Variants in AXDND1 observed in about 807,000 individuals in gnomAD.
AXDND1 encodes axonemal dynein light chain domain containing 1, also known as axonemal dynein light chain domain-containing protein 1.
A neutral mutation model predicts 137.5 loss-of-function variants in AXDND1; 110 were observed. The ratio of observed to expected loss-of-function variants is 0.80; its 90% CI spans 0.69 to 0.94. AXDND1 has a LOEUF of 0.94. Ranked by LOEUF, AXDND1 falls within the 40% of genes least tolerant of loss-of-function variation. AXDND1 has a pLI of 0.00. For missense variants in AXDND1, 1,191 were observed against 1,169.8 expected, an observed-to-expected ratio of 1.02 and a Z score of -0.26; for synonymous variants, 414 against 399.7, an observed-to-expected ratio of 1.04 and a Z score of -0.43.
intron 20 of AXDND1, among the ~76,000 whole-genome samples, chr1:179,500,260 T>C (rs1250121383): frequency 6.6e-6 from 1 of 151,202 alleles, no homozygotes; most frequent in Admixed American, 6.6e-5. Flanking sequence ...ATAGGTACAC[T>C]GGATACAACC....
intron 21 of AXDND1, 128 bp downstream of exon 21, chr1:179,509,531 G>A: frequency 1.6e-6 from 1 of 618,608 alleles, no homozygotes; most frequent in Non-Finnish European, 2.7e-6. Flanking sequence ...GAGAATTTTG[G>A]TTCTGATCAA....
chr1:179,443,548 G>A (rs1659306957), intron 15 of AXDND1, among the ~76,000 whole-genome samples: 1 of 152,002 alleles, frequency 6.6e-6, no homozygotes, highest in South Asian at 2.1e-4. Flanking sequence ...CCATTAAACT[G>A]TAAGTCCCTA....
At chr1:179,384,816 A>C (rs529788973) in intron 8 of AXDND1, among the ~76,000 whole-genome samples, 2 of 150,008 alleles carry the variant, frequency 1.3e-5, no homozygotes, top group South Asian at 2.1e-4. Flanking sequence ...CCCAGGCTGG[A>C]GTACACTGTG....
At chr1:179,551,140 GC>G in intron 25 of AXDND1, 1 of 1,612,808 alleles carries the variant, frequency 6.2e-7, no homozygotes, top group Non-Finnish European at 8.5e-7. Context: ...TCTATGGCAG[GC>G]CCCTTTACAG....
rs1649035541 is a variant in AXDND1, at chr1:179,385,374, T to C, written c.863+15T>C. On this transcript the variant is annotated intron_variant, in intron 9 of 25. Transcript: ENST00000367618. ...TCTAAAGTCAGGTTAGTGCTGTTAT[T>C]GGAATGGTCCAGTTTCCTTTTGATT... The C allele has an allele frequency of 6.8e-6, 11 of 1,613,826 alleles. No individual in the cohort carries two copies. The highest frequency in any genetic ancestry group is 9.3e-6 in the Non-Finnish European group (11 of 1,179,918).
At chr1:179,380,440 T>C (rs1347619993) in intron 6 of AXDND1, among the ~76,000 whole-genome samples, 7 of 152,210 alleles carry the variant, frequency 4.6e-5, no homozygotes, top group Non-Finnish European at 7.3e-5. Flanking sequence ...TTTTGAGCAA[T>C]GATTATGGAG....
At chr1:179,374,657 G>A (rs1668396760) in intron 4 of AXDND1, among the ~76,000 whole-genome samples, 1 of 152,124 alleles carries the variant, frequency 6.6e-6, no homozygotes, top group South Asian at 2.1e-4. Flanking sequence ...AAAAAAGGAT[G>A]AGTTCATGTC....
rs149782250 is a variant in AXDND1 at position 179,385,307 on chromosome 1, C to T, written c.811C>T (p.Arg271Ter). The change falls in exon 9 of 26, where the codon CGA becomes TGA. Residue 271 changes from arginine (R) to a stop codon, truncating the protein, a stop_gained. Transcript: ENST00000367618. LOFTEE classifies it high-confidence loss of function. ...IYNMIFHELI[R>*]QVSVDCADRG... ...CAACATGATATTTCATGAACTTATT[C>T]GACAAGTCAGTGTGGACTGTGCAGA... is the stretch of plus-strand genomic sequence containing the variant. 1.7e-5 allele frequency: 27 copies of T among 1,613,658 alleles called. No homozygotes were observed. Among genetic ancestry groups the T allele is most frequent in the Middle Eastern group, 1.7e-4 (1 of 6,058 alleles).
chr1:179,505,187 G>C (rs933015870), intron 20 of AXDND1, among the ~76,000 whole-genome samples: 1 of 152,242 alleles, frequency 6.6e-6, no homozygotes. Context: ...TGGTTTTCCA[G>C]AGAAGCCTTG....
At chr1:179,410,738 G>T (rs1167321434) in intron 11 of AXDND1, among the ~76,000 whole-genome samples, 1 of 152,124 alleles carries the variant, frequency 6.6e-6, no homozygotes, top group Non-Finnish European at 1.5e-5. Context: ...CTTTCATAAA[G>T]AATCTTAGGT....
chr1:179,538,087 T>C (rs191597667), intron 25 of AXDND1, among the ~76,000 whole-genome samples: 2 of 152,290 alleles, frequency 1.3e-5, no homozygotes, highest in Admixed American at 1.3e-4. Context: ...CTCTCTTTTC[T>C]TCTTTATTAG....
intron 6 of AXDND1, 102 bp from the exon 7 acceptor site, chr1:179,382,598 A>G: frequency 1.3e-6 from 1 of 751,880 alleles, no homozygotes; most frequent in Non-Finnish European, 2.3e-6. Flanking sequence ...TTTAGTGGAG[A>G]ATGGTACTTA....
intron 23 of AXDND1, among the ~76,000 whole-genome samples, chr1:179,532,220 C>T (rs980204808): frequency 6.6e-6 from 1 of 152,136 alleles, no homozygotes; most frequent in Non-Finnish European, 1.5e-5. Context: ...GGGATGTTTT[C>T]CTAGCATATC....
Position 179,533,824 on chromosome 1 carries a change from C to G in AXDND1, c.2745C>G (p.Ala915=). ...AGTCAGCTAAGCAAGGTACATTGGC[C>G]CAAAAATATCTTGAAGCAATGGCTG... ...WRESAKQGTL[A]QKYLEAMAVI... is the part of the protein sequence containing the mutation. Residue 915 remains alanine, a synonymous_variant, in exon 24 of 26, where the codon GCC becomes GCG. Coordinates refer to ENST00000367618, the MANE Select transcript of AXDND1 (RefSeq NM_144696.6). 1 of 1,613,006 alleles carries G rather than the reference C, an allele frequency of 6.2e-7. No individual in the cohort carries two copies. Among genetic ancestry groups the G allele is most frequent in the East Asian group, 2.2e-5 (1 of 44,828 alleles).
At chr1:179,552,059 TCCTCTTCCCAAGGCCC>T (rs1673360695) in intron 25 of AXDND1, 1 of 168,506 alleles carries the variant, frequency 5.9e-6, no homozygotes. Flanking sequence ...TTCTTCACTT[TCCTCTTCCCAAGGCCC>T]CCTCACCCAC....
intron 20 of AXDND1, among the ~76,000 whole-genome samples, chr1:179,502,959 G>A (rs1668162941): frequency 6.6e-6 from 1 of 152,032 alleles, no homozygotes; most frequent in Admixed American, 6.6e-5. Flanking sequence ...GCCAGGCGTG[G>A]TGGCGCATGC....
chr1:179,548,227 C>A (rs1215864971), intron 25 of AXDND1, among the ~76,000 whole-genome samples: 2 of 152,136 alleles, frequency 1.3e-5, no homozygotes, highest in East Asian at 3.9e-4. Flanking sequence ...TTTATTGCTA[C>A]TGAAGTAAAA....
chr1:179,443,258 C>T (rs1419227510), intron 15 of AXDND1, among the ~76,000 whole-genome samples: 3 of 152,158 alleles, frequency 2.0e-5, no homozygotes, highest in East Asian at 1.9e-4. Flanking sequence ...CACGGGGCTT[C>T]GGCTCCCTAT....
intron 12 of AXDND1, among the ~76,000 whole-genome samples, chr1:179,425,012 G>T (rs1435275191): frequency 6.6e-6 from 1 of 152,180 alleles, no homozygotes; most frequent in Non-Finnish European, 1.5e-5. Context: ...TCATCAGAGA[G>T]CTCACGTGTT....
Sources: gnomAD v4.1 joint callset for allele counts (sites outside exome capture counted in the v4.1 genomes callset) on GRCh38, gnomAD v4.1.1 for gene constraint, MANE v1.5 for transcripts, NCBI Gene and HGNC (gene_info 2026-07-23, HGNC 2026-07-21) for gene names.